RFX3: variants seen among roughly 807,000 people sequenced by gnomAD.
RFX3 encodes the protein regulatory factor X3.
RFX3 carries 14 observed loss-of-function variants against 98.6 expected under a neutral mutation model. That is an observed-to-expected ratio of 0.14 (90% confidence interval 0.09 to 0.22). The LOEUF (loss-of-function observed/expected upper bound fraction) is 0.22. Among genes scored for constraint, RFX3 ranks in the 10% least tolerant of loss-of-function variants. The pLI is 1.00. For missense variants in RFX3, 639 were observed against 926.9 expected, an observed-to-expected ratio of 0.69 and a Z score of 4.03; for synonymous variants, 383 against 328.4, an observed-to-expected ratio of 1.17 and a Z score of -1.80.
chr9:3,500,687 C>T (rs1213597456), intron 1 of RFX3, among the ~76,000 whole-genome samples: 2 of 151,996 alleles, frequency 1.3e-5, no homozygotes, highest in Non-Finnish European at 2.9e-5. Context: ...TGATATTTCC[C>T]AAATAAGAAC....
chr9:3,263,040 C>A lies in RFX3; in HGVS notation c.1500G>T (p.Thr500=). ...CTGCCTGGGCCAGGTGATTAAGCGA[C>A]GTGTATCTTCGCAGAGTCTGGGCAA... ...SAFAQTLRRY[T]SLNHLAQAAR... Residue 500 remains threonine, a synonymous_variant, in exon 13 of 17, where the codon ACG becomes ACT. Coordinates refer to ENST00000617270, the MANE Select transcript of RFX3 (RefSeq NM_001282116.2). 6.2e-7 allele frequency: 1 copy of A among 1,613,790 alleles called. No homozygotes were observed. The highest frequency in any genetic ancestry group is 1.7e-4 in the Middle Eastern group (1 of 6,056).
intron 1 of RFX3, among the ~76,000 whole-genome samples, chr9:3,501,831 A>G (rs1265593773): frequency 6.6e-6 from 1 of 151,836 alleles, no homozygotes; most frequent in Non-Finnish European, 1.5e-5. Flanking sequence ...TGCTGGAATT[A>G]CAGATGTGAG....
chr9:3,262,881 G>C (rs928764604), intron 13 of RFX3, 54 bp downstream of exon 13: 2 of 1,552,106 alleles, frequency 1.3e-6, no homozygotes, highest in Non-Finnish European at 1.8e-6. Context: ...CAATTAAGAA[G>C]AACAAATTGG....
chr9:3,377,461 A>T (rs1363129047), intron 2 of RFX3, among the ~76,000 whole-genome samples: 2 of 152,224 alleles, frequency 1.3e-5, no homozygotes, highest in South Asian at 2.1e-4. Context: ...AGGGGAAGGG[A>T]TAACATTAGG....
chr9:3,392,106 A>T (rs1564033085), intron 2 of RFX3, among the ~76,000 whole-genome samples: 2 of 152,170 alleles, frequency 1.3e-5, no homozygotes, highest in Non-Finnish European at 2.9e-5. Context: ...GTTCTTAATT[A>T]AAAAGCCTTG....
At chr9:3,500,634 C>T (rs769999565) in intron 1 of RFX3, among the ~76,000 whole-genome samples, 1 of 152,052 alleles carries the variant, frequency 6.6e-6, no homozygotes, top group Non-Finnish European at 1.5e-5. Context: ...AACTTGATTC[C>T]ATAGGGCCTA....
intron 7 of RFX3, among the ~76,000 whole-genome samples, chr9:3,284,055 AT>A (rs763845233): frequency 5.3e-5 from 8 of 151,820 alleles, no homozygotes; most frequent in East Asian, 3.9e-4. Context: ...ATTCTGTGTT[AT>A]GTCTTTTAGA....
chr9:3,262,334 T>A (rs1411998704), intron 13 of RFX3, among the ~76,000 whole-genome samples: 1 of 152,154 alleles, frequency 6.6e-6, no homozygotes, highest in African/African-American at 2.4e-5. Context: ...AAGTGGGTAA[T>A]GTGATCACAA....
intron 2 of RFX3, among the ~76,000 whole-genome samples, chr9:3,381,297 G>C (rs1294680989): frequency 6.6e-6 from 1 of 151,798 alleles, no homozygotes; most frequent in African/African-American, 2.4e-5. Context: ...TCGTAAACAG[G>C]ACTGTAATCG....
chr9:3,521,038 C>T (rs1232684882), intron 1 of RFX3, among the ~76,000 whole-genome samples: 3 of 151,906 alleles, frequency 2.0e-5, no homozygotes, highest in African/African-American at 4.8e-5. Context: ...ACCACTATTG[C>T]CATTTATTTT....
intron 2 of RFX3, among the ~76,000 whole-genome samples, chr9:3,391,346 C>T (rs1029634361): frequency 2.6e-5 from 4 of 152,084 alleles, no homozygotes; most frequent in South Asian, 2.1e-4. Context: ...AGAAAAATAA[C>T]GACAAAGAAG....
intron 15 of RFX3, among the ~76,000 whole-genome samples, chr9:3,241,224 GT>G (rs34401123): frequency 0.9 from 119,652 of 132,650 alleles, 54,191 homozygotes; most frequent in East Asian, 0.98. Context: ...GGAGTTTTTT[GT>G]TTTTTTTTTT....
Position 3,498,107 on chromosome 9 carries a change from G to A in RFX3, c.-9+27640C>T, listed in dbSNP as rs565518283. 2.6e-5 allele frequency among the ~76,000 whole-genome samples: 4 copies of A among 152,100 alleles called. No individual in the cohort carries two copies. In the South Asian group the frequency reaches 8.3e-4, roughly 31 times the overall value. ...TGATGGAAGCATCTTGTTTCAGGTT[G>A]TGAATGTATCTGAATTAATCTCCTT... On this transcript the variant is annotated intron_variant, in intron 1 of 16. Coordinates refer to ENST00000617270, the MANE Select transcript of RFX3 (RefSeq NM_001282116.2).
At chr9:3,362,816 T>C (rs1052320158) in intron 2 of RFX3, among the ~76,000 whole-genome samples, 1 of 152,276 alleles carries the variant, frequency 6.6e-6, no homozygotes, top group South Asian at 2.1e-4. Flanking sequence ...CAAAATAGAC[T>C]GGCATCAAAG....
At chr9:3,446,466 A>T (rs1444247220) in intron 1 of RFX3, among the ~76,000 whole-genome samples, 2 of 152,102 alleles carry the variant, frequency 1.3e-5, no homozygotes, top group African/African-American at 4.8e-5. Flanking sequence ...AACTACTCTG[A>T]TGACTTGTCA....
intron 1 of RFX3, among the ~76,000 whole-genome samples, chr9:3,451,044 G>T (rs968468647): frequency 2.0e-5 from 3 of 152,106 alleles, no homozygotes; most frequent in African/African-American, 7.2e-5. Context: ...AATATAAAAG[G>T]CGAATCTGGA....
intron 3 of RFX3, among the ~76,000 whole-genome samples, chr9:3,337,328 GGCA>G (rs1313689718): frequency 6.6e-6 from 1 of 152,182 alleles, no homozygotes; most frequent in Non-Finnish European, 1.5e-5. Flanking sequence ...AATAACTAAA[GGCA>G]GCCAGAATGA....
At chr9:3,228,298 T>C (rs532761817) in intron 16 of RFX3, among the ~76,000 whole-genome samples, 138 of 152,286 alleles carry the variant, frequency 9.1e-4, no homozygotes, top group African/African-American at 2.9e-3. Context: ...GAAATATATA[T>C]CATGTTATCA....
intron 1 of RFX3, among the ~76,000 whole-genome samples, chr9:3,417,341 A>G (rs866876651): frequency 5.3e-5 from 8 of 152,238 alleles, no homozygotes; most frequent in Middle Eastern, 6.8e-3. Context: ...GCAAACTGAC[A>G]TTTATAGAAC....
Sources: gnomAD v4.1 joint callset for allele counts (sites outside exome capture counted in the v4.1 genomes callset) on GRCh38, gnomAD v4.1.1 for gene constraint, MANE v1.5 for transcripts, NCBI Gene and HGNC (gene_info 2026-07-23, HGNC 2026-07-21) for gene names.